Variants in AMOTL1 observed in about 807,000 individuals in gnomAD.
The protein encoded by AMOTL1 is angiomotin-like protein 1.
In AMOTL1, 45 loss-of-function variants were observed where a neutral mutation model predicts 102.9. The observed-to-expected ratio is 0.44, with a 90% CI of 0.34 to 0.56. AMOTL1 has a LOEUF of 0.56. Ranked by LOEUF, AMOTL1 falls within the 20% of genes least tolerant of loss-of-function variation. The probability of loss-of-function intolerance (pLI) is 0.01; values close to 1 mark genes in which losing one functional copy is unlikely to be tolerated. For missense variants in AMOTL1, 1,114 were observed against 1,225.6 expected (o/e 0.91, Z 1.36); for synonymous variants, 481 against 484.7 (o/e 0.99, Z 0.10).
At chr11:94,781,839 GAAGAAAAAAAAAAA>G (rs2135533267) in intron 1 of AMOTL1, among the ~76,000 whole-genome samples, 1 of 131,202 alleles carries the variant, frequency 7.6e-6, no homozygotes, top group East Asian at 2.2e-4. Flanking sequence ...GTCTCAAAAA[GAAGAAAAAAAAAAA>G]AAGAAAAAAA....
chr11:94,721,497 A>G (rs1950173476), intron 1 of AMOTL1, among the ~76,000 whole-genome samples: 1 of 151,990 alleles, frequency 6.6e-6, no homozygotes, highest in African/African-American at 2.4e-5. Context: ...TTGGGAGGTG[A>G]ATAAATTTAG....
At chr11:94,710,487 T>C (rs1357328865) in intron 1 of AMOTL1, among the ~76,000 whole-genome samples, 1 of 152,218 alleles carries the variant, frequency 6.6e-6, no homozygotes, top group East Asian at 1.9e-4. Context: ...GTGGCGATTA[T>C]ATTTGTAGAT....
At position 94,857,765 on chromosome 11, in the gene AMOTL1, C is replaced by T. The variant is rs116294644; in HGVS notation, c.1945-1760C>T. On this transcript the variant is annotated intron_variant, in intron 8 of 12. Coordinates refer to ENST00000433060, the MANE Select transcript of AMOTL1 (RefSeq NM_130847.3). ...GGTCATGTAGCTAATGAGGACATTC[C>T]TCCCATGTGAACACACTGAGGGTGA... 3.0e-3 allele frequency among the ~76,000 whole-genome samples: 452 copies of T among 152,316 alleles called. 3 individuals are homozygous for T. Among genetic ancestry groups the T allele is most frequent in the African/African-American group, 0.01 (433 of 41,566 alleles).
At chr11:94,774,355 C>T (rs1443294220) in intron 1 of AMOTL1, among the ~76,000 whole-genome samples, 1 of 152,156 alleles carries the variant, frequency 6.6e-6, no homozygotes, top group African/African-American at 2.4e-5. Flanking sequence ...GAATGATTTC[C>T]TCTGTGCCCT....
In AMOTL1 at chr11:94,791,154, GGA is replaced by G. The variant is rs560083689; in HGVS notation, c.50-3855_50-3854del. Among the ~76,000 whole-genome samples, 8 of 152,328 alleles carry G rather than the reference GGA, an allele frequency of 5.3e-5. No individual in the cohort carries two copies. The South Asian group carries it at 1.7e-3, about 32-fold the overall frequency. ...TCATGCTCAAAGAGAGAGAAGCAAA[GGA>G]GTTTTCATGTTGACAAATGACGTGC... On this transcript the variant is annotated intron_variant, in intron 1 of 12. Transcript: ENST00000433060.
chr11:94,840,313 GTGTT>G (rs1016647818), intron 6 of AMOTL1, among the ~76,000 whole-genome samples: 1 of 152,110 alleles, frequency 6.6e-6, no homozygotes, highest in Admixed American at 6.5e-5. Context: ...AGGGGACAAA[GTGTT>G]TGTTTTAAGT....
chr11:94,858,541 A>G (rs921603435), intron 8 of AMOTL1, among the ~76,000 whole-genome samples: 2 of 152,126 alleles, frequency 1.3e-5, no homozygotes, highest in Non-Finnish European at 2.9e-5. Context: ...TAAAGCATTC[A>G]TGTGCCTCTC....
intron 6 of AMOTL1, among the ~76,000 whole-genome samples, chr11:94,842,439 G>T (rs979801507): frequency 6.6e-6 from 1 of 152,178 alleles, no homozygotes. Flanking sequence ...TGGGGGAGAA[G>T]CCTATAGCCT....
intron 5 of AMOTL1, 99 bp from the exon 6 acceptor site, chr11:94,831,353 C>T: frequency 1.0e-6 from 1 of 966,880 alleles, no homozygotes. Flanking sequence ...GCCTGAGCAT[C>T]TCTTCCTCCC....
intron 3 of AMOTL1, among the ~76,000 whole-genome samples, chr11:94,816,393 C>G (rs1453074647): frequency 6.6e-6 from 1 of 152,182 alleles, no homozygotes; most frequent in African/African-American, 2.4e-5. Flanking sequence ...ACCTAAGAAA[C>G]ACTCTTCCTA....
At chr11:94,796,980 G>C (rs1476717123) in intron 2 of AMOTL1, 1 of 985,184 alleles carries the variant, frequency 1.0e-6, no homozygotes, top group Non-Finnish European at 1.2e-6. Context: ...AGAAAAACGA[G>C]CGTGGCAGTT....
intron 9 of AMOTL1, among the ~76,000 whole-genome samples, chr11:94,861,908 G>A (rs1952781343): frequency 6.6e-6 from 1 of 152,140 alleles, no homozygotes; most frequent in African/African-American, 2.4e-5. Flanking sequence ...AGGAGGGAGG[G>A]TAGGGAGCGA....
chr11:94,740,793 CG>C (rs1565334991), intron 2 of AMOTL1: 1 of 550,946 alleles, frequency 1.8e-6, no homozygotes, highest in Non-Finnish European at 3.0e-6. Context: ...GTCTGAATCC[CG>C]CGGGGCCTCC....
At chr11:94,739,554 T>C (rs532419219) in intron 2 of AMOTL1, among the ~76,000 whole-genome samples, 8 of 152,298 alleles carry the variant, frequency 5.3e-5, no homozygotes, top group African/African-American at 1.9e-4. Flanking sequence ...TGAGAGCACA[T>C]TGGCTCAGAT....
chr11:94,752,635 G>C (rs1266494770), intron 3 of AMOTL1, among the ~76,000 whole-genome samples: 1 of 152,198 alleles, frequency 6.6e-6, no homozygotes, highest in Non-Finnish European at 1.5e-5. Context: ...CAAGATTACT[G>C]ATCACCTGAT....
At chr11:94,769,028 T>C (rs1302918744) in intron 1 of AMOTL1, among the ~76,000 whole-genome samples, 1 of 151,984 alleles carries the variant, frequency 6.6e-6, no homozygotes, top group East Asian at 2.0e-4. Context: ...GACTGGACCC[T>C]TTCTGCCCGC....
chr11:94,753,789 G>A (rs970335322), intron 3 of AMOTL1, among the ~76,000 whole-genome samples: 7 of 152,148 alleles, frequency 4.6e-5, no homozygotes, highest in African/African-American at 1.7e-4. Context: ...TTGTGACTAG[G>A]TATGTTTAAC....
At chr11:94,839,546 C>T (rs1016310285) in intron 6 of AMOTL1, among the ~76,000 whole-genome samples, 14 of 152,196 alleles carry the variant, frequency 9.2e-5, no homozygotes, top group South Asian at 2.1e-4. Flanking sequence ...CCATCTCCTA[C>T]GTACCAGGTG....
At chr11:94,805,227 G>C (rs530736644) in intron 3 of AMOTL1, among the ~76,000 whole-genome samples, 32 of 152,248 alleles carry the variant, frequency 2.1e-4, no homozygotes, top group African/African-American at 7.7e-4. Flanking sequence ...CCTGTGCTCT[G>C]CCCACCTTCT....
Sources: allele counts gnomAD v4.1 joint callset (sites outside exome capture counted in the v4.1 genomes callset), GRCh38; gene constraint gnomAD v4.1.1; transcripts MANE v1.5; gene names NCBI Gene and HGNC (gene_info 2026-07-23, HGNC 2026-07-21).